The following NRG1 variants were observed in gnomAD, a reference collection of about 807,000 sequenced individuals.
The protein encoded by NRG1 is neuregulin 1.
Under a neutral mutation model 63.8 loss-of-function variants are expected in NRG1, and 18 were observed. The observed-to-expected ratio is 0.28, with a 90% confidence interval of 0.19 to 0.42. The LOEUF (loss-of-function observed/expected upper bound fraction) is 0.42. NRG1 is among the 10% of genes least tolerant of loss of function. The pLI is 1.00. For synonymous variants in NRG1, 302 were observed against 301.3 expected, an observed-to-expected ratio of 1.00 and a Z score of -0.02; for missense variants, 762 against 814.7, an observed-to-expected ratio of 0.94 and a Z score of 0.79.
chr8:31,977,728 G>T (rs1284524985), intron 1 of NRG1, among the ~76,000 whole-genome samples: 1 of 152,106 alleles, frequency 6.6e-6, no homozygotes, highest in East Asian at 1.9e-4. Context: ...ATGCTAATTA[G>T]GAGGAGGAAG....
intron 1 of NRG1, among the ~76,000 whole-genome samples, chr8:32,247,140 G>T (rs11784726): frequency 0.69 from 105,458 of 151,832 alleles, 37,173 homozygotes; most frequent in African/African-American, 0.79. Context: ...TGGCTTAGAA[G>T]AAGCTAATTT....
chr8:31,875,858 C>T (rs1435492367), intron 1 of NRG1, among the ~76,000 whole-genome samples: 1 of 152,090 alleles, frequency 6.6e-6, no homozygotes, highest in Non-Finnish European at 1.5e-5. Context: ...GCATGCATTT[C>T]TCAATAAAAC....
intron 1 of NRG1, among the ~76,000 whole-genome samples, chr8:31,788,084 G>A (rs1820350632): frequency 6.6e-6 from 1 of 152,094 alleles, no homozygotes; most frequent in South Asian, 2.1e-4. Flanking sequence ...TGATTGCAAA[G>A]CTTGTGCTCT....
chr8:32,612,235 G>A (rs1846493017), intron 3 of NRG1, among the ~76,000 whole-genome samples: 1 of 151,986 alleles, frequency 6.6e-6, no homozygotes, highest in Admixed American at 6.6e-5. Context: ...AAGTCTGTAA[G>A]TGTAATATAA....
chr8:31,844,715 G>T (rs1826509361), intron 1 of NRG1, among the ~76,000 whole-genome samples: 1 of 152,104 alleles, frequency 6.6e-6, no homozygotes, highest in South Asian at 2.1e-4. Context: ...CCAAAAGGTT[G>T]CAGTGAAGAT....
At chr8:32,502,578 T>G (rs1483938835) in intron 1 of NRG1, among the ~76,000 whole-genome samples, 2 of 150,758 alleles carry the variant, frequency 1.3e-5, no homozygotes, top group Non-Finnish European at 2.9e-5. Context: ...CTTTACAACT[T>G]TCTATATCAA....
rs1237081420 is a variant in NRG1, at chr8:32,124,923, TG to T, written c.38-470902del. 5.9e-5 allele frequency among the ~76,000 whole-genome samples: 9 copies of T among 151,926 alleles called. No individual in the cohort carries two copies. In the East Asian group the frequency reaches 1.7e-3, roughly 29 times the overall value. On this transcript the variant is annotated intron_variant, in intron 1 of 10. Coordinates refer to the NRG1 transcript ENST00000519301. ...ACACATGGGAAAATAGACACTACTA[TG>T]GGCTGAATATGCCCCCTCCAAAATT...
intron 1 of NRG1, among the ~76,000 whole-genome samples, chr8:32,033,645 C>A (rs906290527): frequency 1.3e-5 from 2 of 152,000 alleles, no homozygotes; most frequent in African/African-American, 4.8e-5. Context: ...TTGTAGTTGT[C>A]CTTGAAGAGG....
At chr8:31,847,730 G>C (rs1487985180) in intron 1 of NRG1, among the ~76,000 whole-genome samples, 1 of 152,228 alleles carries the variant, frequency 6.6e-6, no homozygotes, top group Non-Finnish European at 1.5e-5. Flanking sequence ...GGCACCACTT[G>C]AGTTGGGCTC....
intron 1 of NRG1, among the ~76,000 whole-genome samples, chr8:31,966,605 G>T (rs1586137457): frequency 6.6e-6 from 1 of 152,156 alleles, no homozygotes; most frequent in Non-Finnish European, 1.5e-5. Context: ...ACTGCACAGT[G>T]CTTCCTTAGG....
chr8:31,806,596 G>A (rs182164316), intron 1 of NRG1, among the ~76,000 whole-genome samples: 1 of 152,224 alleles, frequency 6.6e-6, no homozygotes, highest in Admixed American at 6.5e-5. Flanking sequence ...CATTGATTTT[G>A]AAAAATTGCT....
rs1020201101 is a variant in NRG1 at position 31,746,583 on chromosome 8, A to C, written c.37+107152A>C. 3.9e-5 allele frequency among the ~76,000 whole-genome samples: 6 copies of C among 152,114 alleles called. No homozygotes were observed. The East Asian group carries it at 1.2e-3, about 30-fold the overall frequency. On this transcript the variant is annotated intron_variant, in intron 1 of 10. Coordinates refer to the NRG1 transcript ENST00000519301. ...AGGCCCGATACAAGAAGTGTTGGCTATGAGTAATAATTTGGAGGTTCTTCA... is the reference window on the plus strand; with the variant it reads ...AGGCCCGATACAAGAAGTGTTGGCTCTGAGTAATAATTTGGAGGTTCTTCA...
At chr8:32,319,996 G>C (rs1467411305) in intron 1 of NRG1, among the ~76,000 whole-genome samples, 1 of 152,096 alleles carries the variant, frequency 6.6e-6, no homozygotes, top group African/African-American at 2.4e-5. Flanking sequence ...TAGGATATGT[G>C]AAAGAACCTA....
chr8:31,669,080 G>C (rs1235656095), intron 1 of NRG1, among the ~76,000 whole-genome samples: 3 of 152,024 alleles, frequency 2.0e-5, no homozygotes, highest in Non-Finnish European at 2.9e-5. Flanking sequence ...TTTGAGACAA[G>C]GTCTCGCTCT....
At chr8:31,754,767 A>G (rs1005305419) in intron 1 of NRG1, among the ~76,000 whole-genome samples, 1 of 152,106 alleles carries the variant, frequency 6.6e-6, no homozygotes, top group Admixed American at 6.6e-5. Context: ...GTGGACAAGT[A>G]CAACTGCTCC....
chr8:32,184,694 T>C (rs935878682), intron 1 of NRG1, among the ~76,000 whole-genome samples: 4 of 152,188 alleles, frequency 2.6e-5, no homozygotes, highest in African/African-American at 9.7e-5. Flanking sequence ...TTTTATGCTT[T>C]AATGGTTAGA....
At chr8:32,351,830 G>T (rs1805647141) in intron 1 of NRG1, among the ~76,000 whole-genome samples, 1 of 152,206 alleles carries the variant, frequency 6.6e-6, no homozygotes, top group Admixed American at 6.5e-5. Context: ...TGCAGTGTGT[G>T]TCAGGGGCAC....
At chr8:32,292,087 A>G (rs761151167) in intron 1 of NRG1, among the ~76,000 whole-genome samples, 2 of 152,188 alleles carry the variant, frequency 1.3e-5, no homozygotes, top group Non-Finnish European at 2.9e-5. Context: ...TACAGGAAGA[A>G]GACCAGAGTA....
At chr8:32,395,896 T>G (rs1230763686) in intron 1 of NRG1, among the ~76,000 whole-genome samples, 1 of 152,198 alleles carries the variant, frequency 6.6e-6, no homozygotes, top group African/African-American at 2.4e-5. Flanking sequence ...CATTTTACAT[T>G]AATTTTTATA....
Sources: gnomAD v4.1 joint callset for allele counts (sites outside exome capture counted in the v4.1 genomes callset) on GRCh38, gnomAD v4.1.1 for gene constraint, MANE v1.5 for transcripts, NCBI Gene and HGNC (gene_info 2026-07-23, HGNC 2026-07-21) for gene names.